Variants in AGAP1 observed in about 807,000 individuals in gnomAD.
AGAP1 encodes the protein ArfGAP with GTPase domain, ankyrin repeat and PH domain 1, also known as arf-GAP with GTPase, ANK repeat and PH domain-containing protein 1.
AGAP1 carries 29 observed loss-of-function variants against 105.3 expected under a neutral mutation model. That is an observed-to-expected ratio of 0.28 (90% CI 0.21 to 0.38). AGAP1 has a LOEUF of 0.38. AGAP1 is among the 10% of genes least tolerant of loss of function. AGAP1 has a pLI of 1.00. For missense variants in AGAP1, 998 were observed against 1,165.1 expected, an observed-to-expected ratio of 0.86 and a Z score of 2.09; for synonymous variants, 509 against 485.9, an observed-to-expected ratio of 1.05 and a Z score of -0.63.
Position 235,550,961 on chromosome 2 carries a change from A to G in AGAP1, c.163+56112A>G, listed in dbSNP as rs1943788305. Among the ~76,000 whole-genome samples, 1 of 152,030 alleles carries G rather than the reference A, an allele frequency of 6.6e-6. No individual in the cohort carries two copies. The highest frequency in any genetic ancestry group is 1.9e-4 in the East Asian group (1 of 5,148). ...AGCTAATTTTTGTATTTTAGTAGAA[A>G]TGGGGTTTCACCATGTTGGGCAGGC... is the stretch of plus-strand genomic sequence containing the variant. On this transcript the variant is annotated intron_variant, in intron 1 of 17. Coordinates refer to ENST00000304032, the MANE Select transcript of AGAP1 (RefSeq NM_001037131.3). This position sits in a 1 kb window ranked among gnomAD's most constrained non-coding sequence, Gnocchi z 4.6.
chr2:235,934,512 T>C lies in AGAP1; in HGVS notation c.1483+3589T>C, dbSNP rs147440461. ...GTGAACACCAGGGCACAGGATCTGA[T>C]GGACAACTTCCAGAAAACGTGTTTA... is the stretch of plus-strand genomic sequence containing the variant. On this transcript the variant is annotated intron_variant, in intron 12 of 17. Transcript: ENST00000304032. This position sits in a 1 kb window ranked among gnomAD's most constrained non-coding sequence, Gnocchi z 4.9. Among the ~76,000 whole-genome samples, 38 of 152,342 alleles carry C rather than the reference T, an allele frequency of 2.5e-4. No homozygotes were observed. The highest frequency in any genetic ancestry group is 8.9e-4 in the African/African-American group (37 of 41,576).
At chr2:235,925,146 G>A (rs1330609108) in intron 11 of AGAP1, among the ~76,000 whole-genome samples, 1 of 152,168 alleles carries the variant, frequency 6.6e-6, no homozygotes, top group Non-Finnish European at 1.5e-5. Context: ...CGGGGTAGAA[G>A]CTTCCTTTAA....
intron 1 of AGAP1, among the ~76,000 whole-genome samples, chr2:235,654,937 G>T (rs1947725122): frequency 6.6e-6 from 1 of 152,124 alleles, no homozygotes; most frequent in African/African-American, 2.4e-5. Context: ...TGTTGTCTTT[G>T]TCACCATGAT....
intron 9 of AGAP1, among the ~76,000 whole-genome samples, chr2:235,860,817 A>T (rs1055190855): frequency 6.6e-6 from 1 of 152,266 alleles, no homozygotes; most frequent in South Asian, 2.1e-4. Context: ...TTCAATTAGC[A>T]TGTATAAAAA....
chr2:235,815,220 G>A (rs1261422671), intron 9 of AGAP1, among the ~76,000 whole-genome samples: 1 of 152,138 alleles, frequency 6.6e-6, no homozygotes, highest in African/African-American at 2.4e-5. Context: ...CTGCAGCCTG[G>A]GCGGCTTAAA....
chr2:235,496,030 C>T (rs1042137863), intron 1 of AGAP1, among the ~76,000 whole-genome samples: 2 of 152,230 alleles, frequency 1.3e-5, no homozygotes, highest in African/African-American at 4.8e-5. Context: ...AGGGTATCAG[C>T]CCACAGAGAG....
intron 1 of AGAP1, among the ~76,000 whole-genome samples, chr2:235,677,403 A>C (rs143312279): frequency 1.3e-5 from 2 of 152,274 alleles, no homozygotes; most frequent in East Asian, 3.9e-4. Flanking sequence ...TTATCTAAGA[A>C]ATGAAGATAA....
At position 235,611,995 on chromosome 2, in the gene AGAP1, A is replaced by C. The variant is rs533527027; in HGVS notation, c.164-97184A>C. Among the ~76,000 whole-genome samples the C allele has an allele frequency of 6.6e-6, 1 of 152,300 alleles. No homozygotes were observed. Among genetic ancestry groups the C allele is most frequent in the African/African-American group, 2.4e-5 (1 of 41,572 alleles). ...CGGCCCAGCGGCCTCCCTGCTAGGC[A>C]GTCCTCCATCAATACTGATGTTAAT... On this transcript the variant is annotated intron_variant, in intron 1 of 17. Transcript: ENST00000304032. The surrounding 1 kb of genome is among the most constrained non-coding windows in gnomAD (Gnocchi z 5.0).
Position 236,126,659 on chromosome 2 carries a change from G to A in AGAP1, c.*2537G>A, listed in dbSNP as rs1317465085. ...CCATGACTCCCCCTCAGAAAACACA[G>A]CCCCTCCTCTACCATTCTCAGTGAT... On this transcript the variant is annotated 3_prime_UTR_variant, in exon 18 of 18. Transcript: ENST00000304032. 1 of 152,048 alleles carries A rather than the reference G, an allele frequency of 6.6e-6. No homozygotes were observed. Among genetic ancestry groups the A allele is most frequent in the Non-Finnish European group, 1.5e-5 (1 of 68,014 alleles). The allele number at this position is 152,048 out of a possible 1,614,324, so 9.4% of individuals were successfully genotyped here.
chr2:236,040,688 T>C lies in AGAP1; in HGVS notation c.1801-63T>C. 1.3e-6 allele frequency: 2 copies of C among 1,494,348 alleles called. No homozygotes were observed. Among genetic ancestry groups the C allele is most frequent in the Non-Finnish European group, 1.9e-6 (2 of 1,075,958 alleles). 92.6% of individuals were successfully genotyped at this position (1,494,348 alleles called of 1,614,324 possible). ...TCTGTTTGATCTTTCCCTGATGTTA[T>C]CAGTGATGTGCGTTTCTCCCGGGGT... On this transcript the variant is annotated intron_variant, in intron 14 of 17. Coordinates refer to ENST00000304032, the MANE Select transcript of AGAP1 (RefSeq NM_001037131.3). This position sits in a 1 kb window ranked among gnomAD's most constrained non-coding sequence, Gnocchi z 5.6.
intron 1 of AGAP1, among the ~76,000 whole-genome samples, chr2:235,680,318 G>T (rs944371783): frequency 7.2e-5 from 11 of 152,230 alleles, no homozygotes; most frequent in African/African-American, 2.7e-4. Flanking sequence ...CGGGAGAAGT[G>T]TTGGGCCTGA....
rs75014909 is a variant in AGAP1, at chr2:235,642,091, T to C, written c.164-67088T>C. ...GATTCTCAGGTCCCAGGGGTGCACA[T>C]GCCTGTGTTTTTACCTTACTTCCCC... On this transcript the variant is annotated intron_variant, in intron 1 of 17. Coordinates refer to ENST00000304032, the MANE Select transcript of AGAP1 (RefSeq NM_001037131.3). This position sits in a 1 kb window ranked among gnomAD's most constrained non-coding sequence, Gnocchi z 4.1. Among the ~76,000 whole-genome samples the C allele has an allele frequency of 0.044, 6,648 of 152,306 alleles. 420 individuals are homozygous for C. Among genetic ancestry groups the C allele is most frequent in the African/African-American group, 0.14 (5,764 of 41,542 alleles).
rs2049660058 is a variant in AGAP1, at chr2:235,875,234, T to C, written c.1051-8111T>C. Among the ~76,000 whole-genome samples the C allele has an allele frequency of 6.6e-6, 1 of 152,214 alleles. No homozygotes were observed. Among genetic ancestry groups the C allele is most frequent in the Admixed American group, 6.5e-5 (1 of 15,290 alleles). ...CTGCCAACCAGAGAGCAACTCCCGTTGTTTGTTTTCACCTTTTAGAATTCC... is the reference window on the plus strand; with the variant it reads ...CTGCCAACCAGAGAGCAACTCCCGTCGTTTGTTTTCACCTTTTAGAATTCC... On this transcript the variant is annotated intron_variant, in intron 9 of 17. Transcript: ENST00000304032. This position sits in a 1 kb window ranked among gnomAD's most constrained non-coding sequence, Gnocchi z 4.0.
At chr2:236,026,163 G>A (rs771815072) in intron 13 of AGAP1, among the ~76,000 whole-genome samples, 34 of 152,220 alleles carry the variant, frequency 2.2e-4, no homozygotes, top group Non-Finnish European at 4.6e-4. Flanking sequence ...TCCCAGATAA[G>A]AGGGGAAGGC....
At position 235,797,625 on chromosome 2, in the gene AGAP1, A is replaced by G. The variant is rs535630478; in HGVS notation, c.674-134A>G. 7.4e-5 allele frequency: 86 copies of G among 1,161,984 alleles called. No homozygotes were observed. The African/African-American group carries it at 1.3e-3, about 18-fold the overall frequency. 72.0% of individuals were successfully genotyped at this position (1,161,984 alleles called of 1,614,324 possible). ...TGTTTATTCTGGTTGTCATTTGCCC[A>G]CCTAAGAACCAGGAATGCTATTACT... On this transcript the variant is annotated intron_variant, in intron 6 of 17. Coordinates refer to ENST00000304032, the MANE Select transcript of AGAP1 (RefSeq NM_001037131.3).
intron 13 of AGAP1, among the ~76,000 whole-genome samples, chr2:235,974,346 G>A (rs1052987325): frequency 6.6e-6 from 1 of 152,178 alleles, no homozygotes; most frequent in Non-Finnish European, 1.5e-5. Context: ...TAAAGACACT[G>A]ACTTTTATAT....
Position 235,957,716 on chromosome 2 carries a change from T to C in AGAP1, c.1484-10746T>C, listed in dbSNP as rs2054008488. 6.6e-6 allele frequency among the ~76,000 whole-genome samples: 1 copy of C among 152,224 alleles called. No individual in the cohort carries two copies. The highest frequency in any genetic ancestry group is 1.5e-5 in the Non-Finnish European group (1 of 68,040). On this transcript the variant is annotated intron_variant, in intron 12 of 17. Transcript: ENST00000304032. The surrounding 1 kb of genome is among the most constrained non-coding windows in gnomAD (Gnocchi z 4.6). ...TTATTTACCGGCCTACACATCTCTG[T>C]AAGCTTCAGAAAGAACAGAGCCCTT...
intron 1 of AGAP1, among the ~76,000 whole-genome samples, chr2:235,686,687 A>G (rs113900261): frequency 0.045 from 5,667 of 124,916 alleles, 487 homozygotes; most frequent in African/African-American, 0.17. Flanking sequence ...TTTTAGACAG[A>G]GTCTTGCTCT....
intron 1 of AGAP1, among the ~76,000 whole-genome samples, chr2:235,653,720 A>G (rs1032467376): frequency 2.0e-5 from 3 of 152,198 alleles, no homozygotes; most frequent in African/African-American, 7.2e-5. Flanking sequence ...TTGAAGAGCC[A>G]GCCTACATGC....
Sources: gnomAD v4.1 joint callset for allele counts (sites outside exome capture counted in the v4.1 genomes callset) on GRCh38, gnomAD v4.1.1 for gene constraint, Gnocchi (gnomAD v3.1) non-coding constraint, MANE v1.5 for transcripts, NCBI Gene and HGNC (gene_info 2026-07-23, HGNC 2026-07-21) for gene names.